TRANK1: variants seen among roughly 807,000 people sequenced by gnomAD.
TRANK1 encodes the protein TPR and ankyrin repeat-containing protein 1.
A neutral mutation model predicts 266.0 loss-of-function variants in TRANK1; 198 were observed. That is an observed-to-expected ratio of 0.74 (90% CI 0.66 to 0.84). TRANK1 has a LOEUF of 0.84. TRANK1 is among the 40% of genes least tolerant of loss of function. The probability of loss-of-function intolerance (pLI) is 0.00; values close to 1 mark genes in which losing one functional copy is unlikely to be tolerated. For synonymous variants in TRANK1, 1,396 were observed against 1,384.1 expected (o/e 1.01, Z -0.19); for missense variants, 3,326 against 3,634.6 (o/e 0.92, Z 2.18).
chr3:36,940,254 T>C (rs910821593), intron 1 of TRANK1, among the ~76,000 whole-genome samples: 1 of 150,950 alleles, frequency 6.6e-6, no homozygotes, highest in Non-Finnish European at 1.5e-5. Flanking sequence ...TCCCAGCACT[T>C]TGGGAGGCCG....
rs140336628 is a variant in TRANK1, at chr3:36,858,428, G to A, written c.1672+290C>T. Among the ~76,000 whole-genome samples the A allele has an allele frequency of 6.6e-5, 10 of 152,220 alleles. 1 individual carries two copies. The South Asian group carries it at 1.0e-3, about 16-fold the overall frequency. ...AAGATTCTAGCAAGATCCTTCATAC[G>A]CAGACCCTTGAAAATGATATAAATA... On this transcript the variant is annotated intron_variant, in intron 12 of 23. Coordinates refer to ENST00000645898, the MANE Select transcript of TRANK1 (RefSeq NM_001329998.2).
chr3:36,879,928 GCAA>G (rs2079488143), intron 8 of TRANK1, among the ~76,000 whole-genome samples: 1 of 11,894 alleles, frequency 8.4e-5, no homozygotes, highest in African/African-American at 3.5e-4. Context: ...ATGTAAACAT[GCAA>G]ATATATGTAA....
At chr3:36,840,296 T>C (rs534789227) in intron 18 of TRANK1, among the ~76,000 whole-genome samples, 3 of 152,092 alleles carry the variant, frequency 2.0e-5, no homozygotes, top group African/African-American at 7.2e-5. Context: ...TTCTTTCCAA[T>C]TCTAACAAGG....
At chr3:36,903,741 G>A (rs2079918748) in intron 2 of TRANK1, among the ~76,000 whole-genome samples, 1 of 152,242 alleles carries the variant, frequency 6.6e-6, no homozygotes, top group Admixed American at 6.5e-5. Context: ...CTGTGAGGAG[G>A]GGCACAGCTG....
intron 12 of TRANK1, 140 bp downstream of exon 12, chr3:36,858,578 G>T: frequency 1.1e-6 from 1 of 951,726 alleles, no homozygotes; most frequent in Non-Finnish European, 1.4e-6. Context: ...GGGGCCAGGT[G>T]ACATGGGCAG....
At position 36,830,977 on chromosome 3, in the gene TRANK1, A is replaced by C; in HGVS notation, c.8606T>G (p.Val2869Gly). ...IEQSVWIHSH[V>G]GSKEHSHMLQ... Reference sequence around the variant, plus strand: ...CATGTGGCTGTGCTCCTTGGAGCCCACGTGACTGTGGATCCATACACTTTG... The same window carrying C: ...CATGTGGCTGTGCTCCTTGGAGCCCCCGTGACTGTGGATCCATACACTTTG... The change falls in exon 22 of 24, where the codon GTG becomes GGG. Residue 2869 changes from valine (V) to glycine (G), a missense_variant. Val to Gly is a moderately radical substitution (Grantham distance 109). Transcript: ENST00000645898. 6.2e-7 allele frequency: 1 copy of C among 1,613,998 alleles called. No homozygotes were observed. The highest frequency in any genetic ancestry group is 8.5e-7 in the Non-Finnish European group (1 of 1,179,892).
At chr3:36,842,443 A>G (rs1031925825) in intron 18 of TRANK1, among the ~76,000 whole-genome samples, 179 bp downstream of exon 18, 2 of 152,276 alleles carry the variant, frequency 1.3e-5, no homozygotes, top group Non-Finnish European at 2.9e-5. Flanking sequence ...TGCACTGACC[A>G]GAAAAGGAGC....
intron 10 of TRANK1, among the ~76,000 whole-genome samples, chr3:36,863,547 G>A (rs2079172748): frequency 6.6e-6 from 1 of 152,156 alleles, no homozygotes; most frequent in South Asian, 2.1e-4. Context: ...TAGCCTCATC[G>A]CAACCCATCC....
At chr3:36,868,305 A>T (rs1449358616) in intron 9 of TRANK1, among the ~76,000 whole-genome samples, 1 of 152,170 alleles carries the variant, frequency 6.6e-6, no homozygotes, top group Non-Finnish European at 1.5e-5. Flanking sequence ...CTACCGTAAA[A>T]CTGGTTTTGT....
intron 8 of TRANK1, among the ~76,000 whole-genome samples, chr3:36,882,043 T>A (rs2079539809): frequency 6.6e-6 from 1 of 152,262 alleles, no homozygotes; most frequent in Admixed American, 6.5e-5. Flanking sequence ...ATAATGCTGA[T>A]ATGAATAATC....
Position 36,847,243 on chromosome 3 carries a change from G to A in TRANK1, c.4991C>T (p.Ser1664Phe). Reference protein sequence around the residue: ...LVEVPLDKPGSSQGRSLMVNP... With the variant: ...LVEVPLDKPGFSQGRSLMVNP... The stretch of plus-strand genomic sequence containing the variant: ...CACCATGAGAGATCGACCCTGAGAA[G>A]AGCCTGGTTTGTCCAGGGGTACTTC... Residue 1664 changes from serine (S) to phenylalanine (F), a missense_variant, in exon 16 of 24, where the codon TCT becomes TTT. Coordinates refer to ENST00000645898, the MANE Select transcript of TRANK1 (RefSeq NM_001329998.2). 1.2e-6 allele frequency: 2 copies of A among 1,613,534 alleles called. No individual in the cohort carries two copies. The highest frequency in any genetic ancestry group is 1.1e-5 in the South Asian group (1 of 90,978).
At chr3:36,937,314 C>T (rs975636902) in intron 1 of TRANK1, among the ~76,000 whole-genome samples, 3 of 152,174 alleles carry the variant, frequency 2.0e-5, no homozygotes, top group Non-Finnish European at 4.4e-5. Context: ...TGCATGATAA[C>T]AAGTAAAGTG....
intron 17 of TRANK1, among the ~76,000 whole-genome samples, chr3:36,844,140 A>T: frequency 6.6e-6 from 1 of 152,200 alleles, no homozygotes; most frequent in Non-Finnish European, 1.5e-5. Context: ...AACATAAAAT[A>T]AATTGTGATC....
At chr3:36,838,889 G>T (rs1401082428) in intron 18 of TRANK1, among the ~76,000 whole-genome samples, 173 bp from the exon 19 acceptor site, 1 of 152,240 alleles carries the variant, frequency 6.6e-6, no homozygotes, top group Non-Finnish European at 1.5e-5. Flanking sequence ...AGTCTTGGAG[G>T]ATAAAACCCA....
intron 1 of TRANK1, among the ~76,000 whole-genome samples, chr3:36,914,252 G>A (rs2080094388): frequency 6.6e-6 from 1 of 151,830 alleles, no homozygotes; most frequent in African/African-American, 2.4e-5. Flanking sequence ...TCCTGCCTCA[G>A]CCTCCTAAGT....
intron 11 of TRANK1, 51 bp from the exon 12 acceptor site, chr3:36,858,945 G>T: frequency 6.9e-7 from 1 of 1,457,556 alleles, no homozygotes; most frequent in Non-Finnish European, 9.1e-7. Flanking sequence ...AGCCTGGCTC[G>T]CCTGACGAGA....
intron 9 of TRANK1, among the ~76,000 whole-genome samples, chr3:36,873,636 G>C (rs554167416): frequency 4.6e-5 from 7 of 152,102 alleles, no homozygotes; most frequent in Non-Finnish European, 7.4e-5. Flanking sequence ...GATACACGTA[G>C]CATTACTAAA....
chr3:36,865,940 A>AAG (rs200675682), intron 9 of TRANK1, among the ~76,000 whole-genome samples: 22,682 of 148,970 alleles, frequency 0.15, 2,178 homozygotes, highest in East Asian at 0.28. Context: ...AAAGAAAAAA[A>AAG]AGAGAGAGAG....
At chr3:36,880,890 C>G (rs1575254703) in intron 8 of TRANK1, among the ~76,000 whole-genome samples, 1 of 119,134 alleles carries the variant, frequency 8.4e-6, no homozygotes, top group South Asian at 3.6e-4. Flanking sequence ...TCCCTCCCCC[C>G]TCCCCCCACC....
Sources: allele counts gnomAD v4.1 joint callset (sites outside exome capture counted in the v4.1 genomes callset), GRCh38; gene constraint gnomAD v4.1.1; transcripts MANE v1.5; gene names NCBI Gene and HGNC (gene_info 2026-07-23, HGNC 2026-07-21).